Variants in LSAMP observed in about 807,000 individuals in gnomAD.
The protein encoded by LSAMP is limbic system associated membrane protein.
LSAMP carries 7 observed loss-of-function variants against 38.6 expected under a neutral mutation model. The ratio of observed to expected loss-of-function variants is 0.18; its 90% CI spans 0.10 to 0.34. The LOEUF (loss-of-function observed/expected upper bound fraction) is 0.34, where lower values mean the gene tolerates loss of function less well. Ranked by LOEUF, LSAMP falls within the 10% of genes least tolerant of loss-of-function variation. The pLI is 1.00. For synonymous variants in LSAMP, 154 were observed against 166.8 expected, an observed-to-expected ratio of 0.92 and a Z score of 0.59; for missense variants, 313 against 420.0, an observed-to-expected ratio of 0.75 and a Z score of 2.23.
intron 1 of LSAMP, among the ~76,000 whole-genome samples, chr3:116,177,091 T>C (rs1265131659): frequency 6.6e-6 from 1 of 152,128 alleles, no homozygotes; most frequent in Admixed American, 6.6e-5. Flanking sequence ...TTGAGAGGTT[T>C]CTAATGAATG....
At chr3:116,004,807 T>C (rs1191592306) in intron 3 of LSAMP, among the ~76,000 whole-genome samples, 1 of 152,154 alleles carries the variant, frequency 6.6e-6, no homozygotes, top group Non-Finnish European at 1.5e-5. Flanking sequence ...GAATACCCCT[T>C]GGCAATTCTC....
intron 3 of LSAMP, among the ~76,000 whole-genome samples, chr3:115,908,038 C>G (rs561768165): frequency 6.6e-6 from 1 of 151,764 alleles, no homozygotes; most frequent in Admixed American, 6.6e-5. Context: ...GAGATTTGAG[C>G]CCAATGTATG....
intron 3 of LSAMP, among the ~76,000 whole-genome samples, chr3:115,972,774 A>C (rs1939059004): frequency 6.6e-6 from 1 of 151,086 alleles, no homozygotes; most frequent in South Asian, 2.1e-4. Flanking sequence ...TTCATTGTTA[A>C]AATATAGAAA....
At chr3:116,297,404 T>C (rs575089449) in intron 1 of LSAMP, among the ~76,000 whole-genome samples, 8 of 152,310 alleles carry the variant, frequency 5.3e-5, no homozygotes, top group African/African-American at 1.7e-4. Context: ...TGACATCACC[T>C]TGTCTTCTAA....
At chr3:116,302,779 A>G (rs1487776447) in intron 1 of LSAMP, among the ~76,000 whole-genome samples, 2 of 152,198 alleles carry the variant, frequency 1.3e-5, no homozygotes, top group Non-Finnish European at 2.9e-5. Flanking sequence ...TCAAAAAAAT[A>G]TTGGGATGGA....
At chr3:115,909,865 C>T (rs995829746) in intron 3 of LSAMP, among the ~76,000 whole-genome samples, 1 of 151,810 alleles carries the variant, frequency 6.6e-6, no homozygotes, top group Non-Finnish European at 1.5e-5. Context: ...TCTAATCTAG[C>T]TCCTTTACAT....
chr3:115,968,389 G>A (rs539270726), intron 3 of LSAMP, among the ~76,000 whole-genome samples: 2 of 152,142 alleles, frequency 1.3e-5, no homozygotes, highest in Non-Finnish European at 2.9e-5. Flanking sequence ...GAGGGTCCAA[G>A]TGCTCTTTAG....
At chr3:116,442,332 A>AT (rs1553736975) in intron 1 of LSAMP, among the ~76,000 whole-genome samples, 2 of 151,766 alleles carry the variant, frequency 1.3e-5, no homozygotes, top group East Asian at 1.9e-4. Context: ...TAAGAGAATT[A>AT]TTTTTTTCTC....
intron 1 of LSAMP, among the ~76,000 whole-genome samples, chr3:116,332,583 A>C (rs2047865196): frequency 1.3e-5 from 2 of 152,198 alleles, no homozygotes; most frequent in Admixed American, 6.5e-5. Flanking sequence ...GAGGGACAAA[A>C]ACAGTTATGA....
In LSAMP at chr3:116,293,282, T is replaced by C. The variant is rs538443886; in HGVS notation, c.155+151595A>G. ...TATCCATATAAGGATATCCCTTCAT[T>C]TTAAATTCTAATGGTGGGCATCAGT... On this transcript the variant is annotated intron_variant, in intron 1 of 6. Coordinates refer to ENST00000490035, the MANE Select transcript of LSAMP (RefSeq NM_002338.5). Among the ~76,000 whole-genome samples the C allele has an allele frequency of 4.3e-4, 66 of 152,320 alleles. 1 individual carries two copies. The South Asian group carries it at 9.7e-3, about 22-fold the overall frequency.
chr3:116,131,536 C>A (rs111241831), intron 1 of LSAMP, among the ~76,000 whole-genome samples: 1 of 152,122 alleles, frequency 6.6e-6, no homozygotes, highest in Non-Finnish European at 1.5e-5. Context: ...AGGCCTGGAG[C>A]TTCTGCATGG....
At chr3:116,315,725 T>A (rs2047620022) in intron 1 of LSAMP, among the ~76,000 whole-genome samples, 1 of 152,208 alleles carries the variant, frequency 6.6e-6, no homozygotes, top group African/African-American at 2.4e-5. Context: ...TATCTACCTA[T>A]CTCCTCATTT....
At position 116,443,375 on chromosome 3, in the gene LSAMP, C is replaced by T. The variant is rs574943980; in HGVS notation, c.155+1502G>A. Among the ~76,000 whole-genome samples, 59 of 152,248 alleles carry T rather than the reference C, an allele frequency of 3.9e-4. 1 individual carries two copies. In the South Asian group the frequency reaches 0.012, roughly 31 times the overall value. ...TTTGGATAGTAGGATCTTTGGGATT[C>T]GTAATCACCCAAAGCTCAGGAAATG... is the stretch of plus-strand genomic sequence containing the variant. On this transcript the variant is annotated intron_variant, in intron 1 of 6. Transcript: ENST00000490035.
intron 2 of LSAMP, chr3:116,051,251 A>T (rs938227724): frequency 1.3e-5 from 2 of 152,172 alleles, no homozygotes; most frequent in Non-Finnish European, 2.9e-5. Flanking sequence ...CCTCCCGTAC[A>T]TTTGGCATGC....
At chr3:115,837,631 C>G (rs1934837247) in intron 6 of LSAMP, among the ~76,000 whole-genome samples, 1 of 151,952 alleles carries the variant, frequency 6.6e-6, no homozygotes, top group Non-Finnish European at 1.5e-5. Flanking sequence ...AGTATAAAGA[C>G]AGTGGAAAGG....
At chr3:116,371,866 G>C (rs2048434248) in intron 1 of LSAMP, among the ~76,000 whole-genome samples, 1 of 151,878 alleles carries the variant, frequency 6.6e-6, no homozygotes, top group Non-Finnish European at 1.5e-5. Context: ...CACAAAATCA[G>C]TTACATTTCT....
intron 1 of LSAMP, among the ~76,000 whole-genome samples, chr3:116,250,858 G>A (rs754964108): frequency 2.0e-5 from 3 of 152,284 alleles, no homozygotes; most frequent in Middle Eastern, 3.4e-3. Flanking sequence ...GACAGAGTGA[G>A]ACTCTGTCTC....
chr3:115,893,133 A>G (rs1444997104), intron 3 of LSAMP, among the ~76,000 whole-genome samples: 1 of 151,954 alleles, frequency 6.6e-6, no homozygotes, highest in Non-Finnish European at 1.5e-5. Flanking sequence ...AATATCACAC[A>G]CTGGGGCCTG....
chr3:116,207,704 C>A (rs1365858053), intron 1 of LSAMP, among the ~76,000 whole-genome samples: 4 of 151,314 alleles, frequency 2.6e-5, no homozygotes, highest in African/African-American at 9.7e-5. Context: ...GTTGAAAATT[C>A]TTTTCTTTAA....
Sources: allele counts gnomAD v4.1 joint callset (sites outside exome capture counted in the v4.1 genomes callset), GRCh38; gene constraint gnomAD v4.1.1; transcripts MANE v1.5; gene names NCBI Gene and HGNC (gene_info 2026-07-23, HGNC 2026-07-21).